The following NUDT12 variants were observed in gnomAD, a reference collection of about 807,000 sequenced individuals.
The protein encoded by NUDT12 is nudix hydrolase 12.
NUDT12 carries 42 observed loss-of-function variants against 45.7 expected under a neutral mutation model. The observed-to-expected ratio is 0.92, with a 90% CI of 0.72 to 1.19. The LOEUF is 1.19. Ranked by LOEUF, NUDT12 falls within the 50% of genes most tolerant of loss-of-function variation. The pLI, the probability that NUDT12 is intolerant of heterozygous loss-of-function variation, is 0.00. For missense variants in NUDT12, 590 were observed against 533.1 expected (o/e 1.11, Z -1.05); for synonymous variants, 206 against 179.7 (o/e 1.15, Z -1.17).
chr5:103,559,103 G>A lies in NUDT12; in HGVS notation c.572C>T (p.Pro191Leu), dbSNP rs1748931222. Reference sequence around the variant, plus strand: ...AAGAAAAATCAAGGTGATCTTCTCAGGCTGGGCCAAATAATCCTTTATATC... The same window carrying A: ...AAGAAAAATCAAGGTGATCTTCTCAAGCTGGGCCAAATAATCCTTTATATC... ...YTDIKDYLAQ[P>L]EKITLIFLGV... The change falls in exon 3 of 7, where the codon CCT becomes CTT. Residue 191 changes from proline (P) to leucine (L), a missense_variant. Transcript: ENST00000230792. The A allele has an allele frequency of 1.9e-6, 3 of 1,610,826 alleles. No homozygotes were observed. The African/African-American group carries it at 4.0e-5, about 22-fold the overall frequency.
At chr5:103,561,490 T>G (rs1749030588) in intron 1 of NUDT12, among the ~76,000 whole-genome samples, 1 of 152,226 alleles carries the variant, frequency 6.6e-6, no homozygotes, top group South Asian at 2.1e-4. Flanking sequence ...GGAAATCTGT[T>G]TAGAAATTAA....
At position 103,560,298 on chromosome 5, in the gene NUDT12, C is replaced by CT. The variant is rs781673520; in HGVS notation, c.-6-45dup. ...AGGGGAAAAAGCTTATTTGCAACTG[C>CT]TTTTTTATCAATGAACAATATTGAT... On this transcript the variant is annotated intron_variant, in intron 1 of 6. Coordinates refer to ENST00000230792, the MANE Select transcript of NUDT12 (RefSeq NM_031438.4). 4 of 1,218,938 alleles carry CT rather than the reference C, an allele frequency of 3.3e-6. No individual in the cohort carries two copies. The Admixed American group carries it at 5.5e-5, about 17-fold the overall frequency. The allele number at this position is 1,218,938 out of a possible 1,614,324, so 75.5% of individuals were successfully genotyped here. A position where few individuals can be genotyped will look rare whatever the true frequency, so the allele number is the denominator to read the frequency against.
At position 103,559,378 on chromosome 5, in the gene NUDT12, A is replaced by G; in HGVS notation, c.297T>C (p.Ala99=). The change falls in exon 3 of 7, where the codon GCT becomes GCC. Residue 99 remains alanine, a synonymous_variant. Transcript: ENST00000230792. ...WGYKHIANLL[A]TAKGGKKPWF... ...AAGGCTTCTTCCCACCTTTAGCAGT[A>G]GCTAGTAAATTAGCTATATGCTTAT... 1 of 1,613,080 alleles carries G rather than the reference A, an allele frequency of 6.2e-7. No individual in the cohort carries two copies. The highest frequency in any genetic ancestry group is 8.5e-7 in the Non-Finnish European group (1 of 1,179,506).
At chr5:103,552,471 G>A (rs1368815483) in intron 5 of NUDT12, 55 bp from the exon 6 acceptor site, 11 of 1,372,936 alleles carry the variant, frequency 8.0e-6, no homozygotes, top group Non-Finnish European at 1.1e-5. Flanking sequence ...GGGACACTTT[G>A]TGTCCTGAAT....
At chr5:103,553,652 G>T (rs1040015823) in intron 5 of NUDT12, among the ~76,000 whole-genome samples, 4 of 152,058 alleles carry the variant, frequency 2.6e-5, no homozygotes, top group African/African-American at 4.8e-5. Flanking sequence ...TTGCAAATGT[G>T]CACAAGGAGA....
intron 1 of NUDT12, among the ~76,000 whole-genome samples, chr5:103,561,870 G>T (rs1273345162): frequency 2.0e-5 from 3 of 152,116 alleles, no homozygotes; most frequent in Admixed American, 2.0e-4. Context: ...CTACCTCCAG[G>T]GCAATGCTTA....
At chr5:103,562,077 G>T (rs1455446814) in intron 1 of NUDT12, among the ~76,000 whole-genome samples, 2 of 152,192 alleles carry the variant, frequency 1.3e-5, no homozygotes, top group Admixed American at 6.5e-5. Context: ...TTTGAAGGCA[G>T]AATAAAGTGC....
At chr5:103,560,876 T>C (rs563028439) in intron 1 of NUDT12, among the ~76,000 whole-genome samples, 13 of 152,314 alleles carry the variant, frequency 8.5e-5, no homozygotes, top group Non-Finnish European at 1.8e-4. Flanking sequence ...GTTCTATTAT[T>C]GGACAGTTCT....
rs771398891 is a variant in NUDT12 at position 103,558,990 on chromosome 5, C to A, written c.685G>T (p.Ala229Ser). The change falls in exon 3 of 7, where the codon GCT (alanine) becomes TCT (serine). Residue 229 changes from alanine to serine, a missense_variant. Physicochemically the swap from Ala to Ser is moderately conservative, Grantham distance 99 (BLOSUM62 1). Coordinates refer to ENST00000230792, the MANE Select transcript of NUDT12 (RefSeq NM_031438.4). ...EEEDGLVAWF[A>S]LGIDPIAAEE... Reference sequence around the variant, plus strand: ...GCAGCAATAGGATCTATACCTAGAGCAAACCAGGCAACCAATCCATCTTCC... The same window carrying A: ...GCAGCAATAGGATCTATACCTAGAGAAAACCAGGCAACCAATCCATCTTCC... 6.2e-7 allele frequency: 1 copy of A among 1,613,776 alleles called. No individual in the cohort carries two copies. Among genetic ancestry groups the A allele is most frequent in the East Asian group, 2.2e-5 (1 of 44,868 alleles).
chr5:103,552,108 G>A (rs2112444823), intron 6 of NUDT12, 109 bp downstream of exon 6: 3 of 781,194 alleles, frequency 3.8e-6, no homozygotes, highest in South Asian at 3.3e-5. Context: ...CATAATGAGA[G>A]GGCCAAAGGC....
chr5:103,550,754 A>G lies in NUDT12; in HGVS notation c.*107T>C. 3 of 708,570 alleles carry G rather than the reference A, an allele frequency of 4.2e-6. No homozygotes were observed. Among genetic ancestry groups the G allele is most frequent in the South Asian group, 4.1e-5 (2 of 49,222 alleles). 43.9% of individuals were successfully genotyped at this position (708,570 alleles called of 1,614,324 possible). On this transcript the variant is annotated 3_prime_UTR_variant, in exon 7 of 7. Coordinates refer to ENST00000230792, the MANE Select transcript of NUDT12 (RefSeq NM_031438.4). ...AAATATTTCGAAAACCCAACATCGT[A>G]TTTTGTGTTGTGACACTCTCAAGAG...
chr5:103,556,371 G>A (rs1206989539), intron 3 of NUDT12, among the ~76,000 whole-genome samples: 3 of 151,974 alleles, frequency 2.0e-5, no homozygotes, highest in Admixed American at 6.6e-5. Flanking sequence ...GGCTTTTACT[G>A]TAGGTGATTT....
At position 103,550,967 on chromosome 5, in the gene NUDT12, A is replaced by G; in HGVS notation, c.1283T>C (p.Leu428Pro). 1 of 1,612,416 alleles carries G rather than the reference A, an allele frequency of 6.2e-7. No individual in the cohort carries two copies. Among genetic ancestry groups the G allele is most frequent in the South Asian group, 1.1e-5 (1 of 91,060 alleles). The change falls in exon 7 of 7, where the codon CTG becomes CCG. Residue 428 changes from leucine (L) to proline (P), a missense_variant. Leu to Pro is a moderately conservative substitution (Grantham distance 98). Coordinates refer to ENST00000230792, the MANE Select transcript of NUDT12 (RefSeq NM_031438.4). ...CTGCTTCCCTTTGGTCAGAACATCC[A>G]GGACCTAAAACACACCATAATAGAA... ...DARWFTREQV[L>P]DVLTKGKQQA...
Position 103,559,056 on chromosome 5 carries a change from C to G in NUDT12, c.619G>C (p.Asp207His). ...TCACCAGCATAATTAAGTAGTTTGT[C>G]TTTTATTTCAAGTTCTACTCCAAGA... ...IFLGVELEIK[D>H]KLLNYAGEVP... Residue 207 changes from aspartate to histidine, a missense_variant, in exon 3 of 7, where the codon GAC becomes CAC. Coordinates refer to ENST00000230792, the MANE Select transcript of NUDT12 (RefSeq NM_031438.4). 6.2e-7 allele frequency: 1 copy of G among 1,613,444 alleles called. No homozygotes were observed. Among genetic ancestry groups the G allele is most frequent in the Non-Finnish European group, 8.5e-7 (1 of 1,179,720 alleles).
rs752975218 is a variant in NUDT12 at position 103,556,102 on chromosome 5, CA to C, written c.797-5del. ...GATCTTGCTTGAGCTACAACCCCTT[CA>C]AAAAAAAGAAAAGCACAAAAATTTT... On this transcript the variant is annotated splice_polypyrimidine_tract_variant and splice_region_variant and intron_variant, in intron 3 of 6. Coordinates refer to ENST00000230792, the MANE Select transcript of NUDT12 (RefSeq NM_031438.4). The C allele has an allele frequency of 5.2e-5, 80 of 1,542,494 alleles. No individual in the cohort carries two copies. The highest frequency in any genetic ancestry group is 3.1e-4 in the South Asian group (24 of 77,568).
chr5:103,550,710 T>C lies in NUDT12; in HGVS notation c.*151A>G. 2.0e-6 allele frequency: 1 copy of C among 511,764 alleles called. No individual in the cohort carries two copies. Among genetic ancestry groups the C allele is most frequent in the Admixed American group, 3.3e-5 (1 of 30,306 alleles). The allele number at this position is 511,764 out of a possible 1,614,324, so 31.7% of individuals were successfully genotyped here. A position where few individuals can be genotyped will look rare whatever the true frequency, so the allele number is the denominator to read the frequency against. The stretch of plus-strand genomic sequence containing the variant: ...AATGTGTAAAAATATGAATTTGTGA[T>C]TAAGACAGAACACTTTGAAAATATT... On this transcript the variant is annotated 3_prime_UTR_variant, in exon 7 of 7. Transcript: ENST00000230792.
Position 103,560,120 on chromosome 5 carries a change from A to T in NUDT12, c.129T>A (p.Ser43=). 3 of 1,614,008 alleles carry T rather than the reference A, an allele frequency of 1.9e-6. No homozygotes were observed. The highest frequency in any genetic ancestry group is 2.5e-6 in the Non-Finnish European group (3 of 1,179,878). The change falls in exon 2 of 7, where the codon TCT becomes TCA. Residue 43 remains serine (S), a synonymous_variant. Coordinates refer to ENST00000230792, the MANE Select transcript of NUDT12 (RefSeq NM_031438.4). The stretch of plus-strand genomic sequence containing the variant: ...ACATTAAAGCAGTCCAGCCATTTTC[A>T]GAAGTTTCATTGAGAAGAGATGGAG... ...SHSPSLLNET[S]ENGWTALMYA...
intron 1 of NUDT12, 79 bp from the exon 2 acceptor site, chr5:103,560,333 T>A (rs567010042): frequency 4.2e-5 from 34 of 810,878 alleles, no homozygotes; most frequent in Non-Finnish European, 6.2e-5. Context: ...TAAATAGCAA[T>A]AGAATAATAG....
Position 103,559,443 on chromosome 5 carries a change from A to G in NUDT12, c.232T>C (p.Ser78Pro), listed in dbSNP as rs775393974. 1 of 1,540,568 alleles carries G rather than the reference A, an allele frequency of 6.5e-7. No homozygotes were observed. The highest frequency in any genetic ancestry group is 8.7e-7 in the Non-Finnish European group (1 of 1,146,620). Residue 78 changes from serine to proline, a missense_variant, in exon 3 of 7, where the codon TCA (serine) becomes CCA (proline). Ser to Pro is a moderately conservative substitution (Grantham distance 74). Transcript: ENST00000230792. ...KGCDRSIVNKSRQTALDIAVF... is the reference protein window; with the variant it reads ...KGCDRSIVNKPRQTALDIAVF... ...GCAATGTCCAGTGCAGTCTGCCTTG[A>G]TTTATTGACAATTGATCTGTCACAC...
Sources: allele counts gnomAD v4.1 joint callset (sites outside exome capture counted in the v4.1 genomes callset), GRCh38; gene constraint gnomAD v4.1.1; transcripts MANE v1.5; gene names NCBI Gene and HGNC (gene_info 2026-07-23, HGNC 2026-07-21).